GLIS1: variants seen among roughly 807,000 people sequenced by gnomAD.
GLIS1 encodes the protein zinc finger protein GLIS1.
A neutral mutation model predicts 63.8 loss-of-function variants in GLIS1; 24 were observed. The ratio of observed to expected loss-of-function variants is 0.38; its 90% confidence interval spans 0.27 to 0.53. The LOEUF (loss-of-function observed/expected upper bound fraction) is 0.53. Ranked by LOEUF, GLIS1 falls within the 20% of genes least tolerant of loss-of-function variation. The pLI, the probability that GLIS1 is intolerant of heterozygous loss-of-function variation, is 0.85. For missense variants in GLIS1, 1,036 were observed against 1,074.1 expected, an observed-to-expected ratio of 0.96 and a Z score of 0.50; for synonymous variants, 450 against 482.5, an observed-to-expected ratio of 0.93 and a Z score of 0.88.
intron 4 of GLIS1, among the ~76,000 whole-genome samples, chr1:53,544,897 C>T (rs1644682510): frequency 6.6e-6 from 1 of 152,122 alleles, no homozygotes; most frequent in Admixed American, 6.5e-5. Context: ...GGAACCCAAG[C>T]CTCACACAAT....
rs1419055074 is a variant in GLIS1, at chr1:53,598,280, C to T, written c.437+1821G>A. Among the ~76,000 whole-genome samples, 2 of 152,312 alleles carry T rather than the reference C, an allele frequency of 1.3e-5. No homozygotes were observed. The highest frequency in any genetic ancestry group is 3.9e-4 in the East Asian group (2 of 5,170). Reference sequence around the variant, plus strand: ...AATGAGGGCCGGGCACGGTGGCTCACGCCTGTAATCCCAGCACTTTGGGAG... The same window carrying T: ...AATGAGGGCCGGGCACGGTGGCTCATGCCTGTAATCCCAGCACTTTGGGAG... On this transcript the variant is annotated intron_variant, in intron 3 of 10. Transcript: ENST00000628545. The surrounding 1 kb of genome is among the most constrained non-coding windows in gnomAD (Gnocchi z 4.6).
At chr1:53,579,210 A>C (rs1645061370) in intron 4 of GLIS1, among the ~76,000 whole-genome samples, 2 of 152,218 alleles carry the variant, frequency 1.3e-5, no homozygotes, top group Non-Finnish European at 1.5e-5. Context: ...TGAGGACGTC[A>C]ATGAGAAAGC....
intron 2 of GLIS1, among the ~76,000 whole-genome samples, chr1:53,692,233 G>A (rs557840085): frequency 9.5e-4 from 145 of 152,254 alleles, no homozygotes; most frequent in African/African-American, 3.3e-3. Flanking sequence ...AGCACACCAC[G>A]TAATGAGGCT....
At chr1:53,536,421 A>G (rs1259970650) in intron 4 of GLIS1, among the ~76,000 whole-genome samples, 1 of 152,148 alleles carries the variant, frequency 6.6e-6, no homozygotes, top group African/African-American at 2.4e-5. Flanking sequence ...TGAATTCAGA[A>G]TGACAGTAGT....
chr1:53,734,829 G>T (rs952308652), intron 2 of GLIS1, among the ~76,000 whole-genome samples: 1 of 152,210 alleles, frequency 6.6e-6, no homozygotes, highest in Non-Finnish European at 1.5e-5. Context: ...ACTTATAAAA[G>T]CAGAGTGTCG....
chr1:53,592,582 G>C (rs1645202968), intron 4 of GLIS1, among the ~76,000 whole-genome samples: 1 of 152,220 alleles, frequency 6.6e-6, no homozygotes, highest in African/African-American at 2.4e-5. Flanking sequence ...CAACTCCTAG[G>C]CAGGGGCATG....
At chr1:53,738,343 C>A (rs1415463023) in intron 1 of GLIS1, among the ~76,000 whole-genome samples, 2 of 152,192 alleles carry the variant, frequency 1.3e-5, no homozygotes, top group African/African-American at 2.4e-5. Flanking sequence ...GCCCCCGCGC[C>A]GCGGCGCATT....
intron 4 of GLIS1, among the ~76,000 whole-genome samples, chr1:53,571,896 T>C (rs1644988665): frequency 6.6e-6 from 1 of 152,148 alleles, no homozygotes; most frequent in Non-Finnish European, 1.5e-5. Flanking sequence ...AAAAATATAA[T>C]ATTAAGTGAA....
rs1410556480 is a variant in GLIS1 at position 53,529,888 on chromosome 1, G to A, written c.1385C>T (p.Thr462Met). The A allele has an allele frequency of 3.1e-6, 5 of 1,613,786 alleles. No individual in the cohort carries two copies. The highest frequency in any genetic ancestry group is 1.3e-5 in the African/African-American group (1 of 74,930). ...CTGGCACAGGTACGGCTTCTCGCCC[G>A]TGTGGCTCCTCAGGTGGATCTTGAG... ...ENLKIHLRSHTGEKPYLCQHP... is the reference protein window; with the variant it reads ...ENLKIHLRSHMGEKPYLCQHP... Residue 462 changes from threonine (T) to methionine (M), a missense_variant, in exon 5 of 11, where the codon ACG becomes ATG. Physicochemically the swap from Thr to Met is moderately conservative, Grantham distance 81. Around this residue, in one of 3 missense-constraint regions of GLIS1, gnomAD observed 44 missense variants for 79.3 expected, o/e 0.55. Coordinates refer to ENST00000628545, the MANE Select transcript of GLIS1 (RefSeq NM_001367484.1).
intron 2 of GLIS1, among the ~76,000 whole-genome samples, chr1:53,636,532 G>A (rs1008062921): frequency 1.3e-5 from 2 of 152,194 alleles, no homozygotes; most frequent in East Asian, 1.9e-4. Context: ...AATAGATATT[G>A]GAAGCAAGAC....
intron 2 of GLIS1, among the ~76,000 whole-genome samples, chr1:53,673,997 C>T (rs1342485846): frequency 6.6e-6 from 1 of 151,922 alleles, no homozygotes; most frequent in African/African-American, 2.4e-5. Context: ...CATGGTGAAA[C>T]CCCGTCTCTA....
chr1:53,642,312 C>T (rs570461596), intron 2 of GLIS1, among the ~76,000 whole-genome samples: 1 of 152,318 alleles, frequency 6.6e-6, no homozygotes, highest in African/African-American at 2.4e-5. Context: ...TGATGGAAGG[C>T]GAGCACTGGA....
chr1:53,679,583 C>T (rs1307374066), intron 2 of GLIS1, among the ~76,000 whole-genome samples: 1 of 152,212 alleles, frequency 6.6e-6, no homozygotes, highest in Non-Finnish European at 1.5e-5. Flanking sequence ...GCCCCATTTA[C>T]ACAGAGCCCA....
chr1:53,650,946 T>C (rs1212333464), intron 2 of GLIS1, among the ~76,000 whole-genome samples: 2 of 152,210 alleles, frequency 1.3e-5, no homozygotes, highest in African/African-American at 4.8e-5. Flanking sequence ...GCCCTGGATG[T>C]TGGGCCAAAT....
chr1:53,729,733 C>G (rs1646841014), intron 2 of GLIS1, among the ~76,000 whole-genome samples: 1 of 152,162 alleles, frequency 6.6e-6, no homozygotes, highest in African/African-American at 2.4e-5. Context: ...AACTGCAGAT[C>G]ACTAAATGCT....
At chr1:53,609,239 C>T (rs1041528918) in intron 2 of GLIS1, among the ~76,000 whole-genome samples, 1 of 148,188 alleles carries the variant, frequency 6.7e-6, no homozygotes, top group Non-Finnish European at 1.5e-5. Context: ...ATGCAATTAC[C>T]ATATATTTGG....
intron 2 of GLIS1, among the ~76,000 whole-genome samples, chr1:53,604,955 TAC>T (rs58192002): frequency 1.3e-5 from 2 of 149,946 alleles, no homozygotes; most frequent in African/African-American, 4.9e-5. Flanking sequence ...TATATATATA[TAC>T]ACACACACAC....
At chr1:53,600,990 C>T (rs12079400) in intron 2 of GLIS1, among the ~76,000 whole-genome samples, 122,428 of 152,172 alleles carry the variant, frequency 0.8, 54,042 homozygotes, top group Non-Finnish European at 0.99. Flanking sequence ...AAGAGTCAGG[C>T]GTGCTTGTTC....
chr1:53,589,410 G>T (rs955658319), intron 4 of GLIS1, among the ~76,000 whole-genome samples: 1 of 152,206 alleles, frequency 6.6e-6, no homozygotes, highest in African/African-American at 2.4e-5. Flanking sequence ...GGCTGGCGGA[G>T]GGGGGTAAAG....
Sources: allele counts gnomAD v4.1 joint callset (sites outside exome capture counted in the v4.1 genomes callset), GRCh38; gene constraint gnomAD v4.1.1; regional missense constraint gnomAD v4.1.1; non-coding constraint Gnocchi (gnomAD v3.1); transcripts MANE v1.5; gene names NCBI Gene and HGNC (gene_info 2026-07-23, HGNC 2026-07-21).